Variants in VPS13D observed in about 807,000 individuals in gnomAD.
VPS13D encodes intermembrane lipid transfer protein VPS13D.
In VPS13D, 187 loss-of-function variants were observed where a neutral mutation model predicts 461.9. The ratio of observed to expected loss-of-function variants is 0.40; its 90% CI spans 0.36 to 0.46. VPS13D has a LOEUF of 0.46. Among genes scored for constraint, VPS13D ranks in the 20% least tolerant of loss-of-function variants. The pLI, the probability that VPS13D is intolerant of heterozygous loss-of-function variation, is 0.60. For synonymous variants in VPS13D, 1,951 were observed against 1,986.3 expected (o/e 0.98, Z 0.47); for missense variants, 4,711 against 5,364.9 (o/e 0.88, Z 3.81).
chr1:12,275,923 C>T lies in VPS13D; in HGVS notation c.2335C>T (p.Pro779Ser), dbSNP rs774063704. 5 of 1,613,914 alleles carry T rather than the reference C, an allele frequency of 3.1e-6. No individual in the cohort carries two copies. The Admixed American group carries it at 6.7e-5, about 22-fold the overall frequency. Residue 779 changes from proline (P) to serine (S), a missense_variant, in exon 19 of 70, where the codon CCA becomes TCA. This residue lies in a region of VPS13D where 4,411 missense variants were observed against 4,937.8 expected (regional missense o/e 0.89). Transcript: ENST00000620676. ...CCCCCTGGCCACACCTCCTAACACC[C>T]CACCTCCCGAGTCAAGCAGCAGCAA... The part of the protein sequence containing the change: ...KTPLATPPNT[P>S]PPESSSSNGE...
chr1:12,397,205 A>G (rs951942619), intron 60 of VPS13D, among the ~76,000 whole-genome samples: 1 of 152,200 alleles, frequency 6.6e-6, no homozygotes, highest in Non-Finnish European at 1.5e-5. Context: ...GAGTGCTGGG[A>G]TTACAGGCGT....
At chr1:12,364,408 G>A (rs1378850793) in intron 52 of VPS13D, among the ~76,000 whole-genome samples, 3 of 152,080 alleles carry the variant, frequency 2.0e-5, no homozygotes, top group African/African-American at 7.2e-5. Context: ...GAACACTTGG[G>A]TTGCTTCCAC....
rs1478803685 is a variant in VPS13D, at chr1:12,308,466, G to C, written c.6475G>C (p.Asp2159His). 1.2e-6 allele frequency: 2 copies of C among 1,613,942 alleles called. No individual in the cohort carries two copies. The highest frequency in any genetic ancestry group is 3.3e-5 in the Admixed American group (2 of 59,974). ...HVCLLDCVVV[D>H]LQDMDIFAAE... is the part of the protein sequence containing the mutation. Reference sequence around the variant, plus strand: ...CTGCCTGCTGGATTGCGTTGTCGTGGATCTCCAGGACATGGACATCTTTGC... The same window carrying C: ...CTGCCTGCTGGATTGCGTTGTCGTGCATCTCCAGGACATGGACATCTTTGC... Residue 2159 changes from aspartate to histidine, a missense_variant, in exon 27 of 70, where the codon GAT becomes CAT. Physicochemically the swap from Asp to His is moderately conservative, Grantham distance 81. Around this residue, in one of 3 missense-constraint regions of VPS13D, gnomAD observed 4,411 missense variants for 4,937.8 expected, o/e 0.89. Transcript: ENST00000620676.
Position 12,379,968 on chromosome 1 carries a change from A to T in VPS13D, c.11190+372A>T, listed in dbSNP as rs537439158. 1.9e-3 allele frequency among the ~76,000 whole-genome samples: 287 copies of T among 152,106 alleles called. 1 individual carries two copies. Among genetic ancestry groups the T allele is most frequent in the African/African-American group, 6.4e-3 (267 of 41,480 alleles). On this transcript the variant is annotated intron_variant, in intron 57 of 69. Coordinates refer to ENST00000620676, the MANE Select transcript of VPS13D (RefSeq NM_015378.4). ...TATTTTTTAGTAGAGATGGAGTTTCACCATGTTAGCCAGGATGGTCTCGAT... is the reference window on the plus strand; with the variant it reads ...TATTTTTTAGTAGAGATGGAGTTTCTCCATGTTAGCCAGGATGGTCTCGAT...
chr1:12,469,125 T>G (rs745886766), intron 67 of VPS13D, among the ~76,000 whole-genome samples: 6 of 152,212 alleles, frequency 3.9e-5, no homozygotes, highest in Non-Finnish European at 7.3e-5. Context: ...TTAGTGGATT[T>G]ACTTTAATAC....
At chr1:12,258,672 G>T (rs996861260) in intron 10 of VPS13D, among the ~76,000 whole-genome samples, 6 of 152,210 alleles carry the variant, frequency 3.9e-5, no homozygotes, top group South Asian at 2.1e-4. Flanking sequence ...GCTCTCTTTT[G>T]GGGGAAGGTA....
chr1:12,309,955 G>A (rs1194546047), intron 27 of VPS13D, among the ~76,000 whole-genome samples: 4 of 151,926 alleles, frequency 2.6e-5, no homozygotes, highest in Non-Finnish European at 4.4e-5. Flanking sequence ...TCAGTCTTAC[G>A]TGTTATTCAA....
At chr1:12,251,767 C>CCG (rs1347449104) in intron 6 of VPS13D, among the ~76,000 whole-genome samples, 2 of 152,192 alleles carry the variant, frequency 1.3e-5, no homozygotes, top group Non-Finnish European at 2.9e-5. Context: ...TTCAGCAGCT[C>CCG]CGCATCACCT....
At chr1:12,289,474 C>T (rs924051638) in intron 22 of VPS13D, among the ~76,000 whole-genome samples, 1 of 151,724 alleles carries the variant, frequency 6.6e-6, no homozygotes, top group Non-Finnish European at 1.5e-5. Context: ...GTAGTAAAAA[C>T]AAGAATGTCT....
intron 67 of VPS13D, among the ~76,000 whole-genome samples, chr1:12,474,499 A>G (rs1317391456): frequency 6.6e-6 from 1 of 152,144 alleles, no homozygotes; most frequent in African/African-American, 2.4e-5. Context: ...GTTAAAAAAA[A>G]AAAAGTTCAG....
At chr1:12,423,202 A>G (rs751441868) in intron 65 of VPS13D, among the ~76,000 whole-genome samples, 3 of 152,224 alleles carry the variant, frequency 2.0e-5, no homozygotes, top group Non-Finnish European at 4.4e-5. Context: ...TTTCAGCCCC[A>G]TTATGTAAAT....
In VPS13D at chr1:12,502,566, G is replaced by C. The variant is rs1482160483; in HGVS notation, c.12795-4287G>C. On this transcript the variant is annotated intron_variant, in intron 68 of 69. Coordinates refer to ENST00000620676, the MANE Select transcript of VPS13D (RefSeq NM_015378.4). The surrounding 1 kb of genome is among the most constrained non-coding windows in gnomAD (Gnocchi z 4.3). ...CTAGGGGTAGAGGAGCCTGTTCCAG[G>C]AGCTCTGAGTCAGGCTTCTGATTTT... Among the ~76,000 whole-genome samples the C allele has an allele frequency of 1.3e-5, 2 of 151,756 alleles. No homozygotes were observed. Among genetic ancestry groups the C allele is most frequent in the Non-Finnish European group, 2.9e-5 (2 of 67,970 alleles).
intron 65 of VPS13D, among the ~76,000 whole-genome samples, chr1:12,454,812 C>G (rs1310201680): frequency 6.6e-6 from 1 of 152,380 alleles, no homozygotes; most frequent in East Asian, 1.9e-4. Flanking sequence ...ATCTAAGGAA[C>G]ATTCCTGTGA....
intron 65 of VPS13D, among the ~76,000 whole-genome samples, chr1:12,417,394 A>G (rs1047955699): frequency 1.3e-5 from 2 of 152,188 alleles, no homozygotes; most frequent in Non-Finnish European, 2.9e-5. Context: ...TCTGGCAGGA[A>G]TTGATTATAT....
intron 25 of VPS13D, among the ~76,000 whole-genome samples, chr1:12,303,565 T>C (rs990503189): frequency 1.3e-5 from 2 of 152,202 alleles, no homozygotes; most frequent in Non-Finnish European, 2.9e-5. Flanking sequence ...AATAAAAAAA[T>C]TGCAGAAAGC....
At position 12,508,924 on chromosome 1, in the gene VPS13D, A is replaced by G. The variant is rs1177220458; in HGVS notation, c.13067A>G (p.Lys4356Arg). 6.2e-7 allele frequency: 1 copy of G among 1,614,160 alleles called. No homozygotes were observed. Residue 4356 changes from lysine to arginine, a missense_variant, in exon 70 of 70, where the codon AAG (lysine) becomes AGG (arginine). Coordinates refer to ENST00000620676, the MANE Select transcript of VPS13D (RefSeq NM_015378.4). Reference protein sequence around the residue: ...VHVKSEVLAVKLSQEINYAKS... With the variant: ...VHVKSEVLAVRLSQEINYAKS... ...GTGAAATCTGAGGTCCTTGCTGTCA[A>G]GTTGTCACAAGAAATAAACTACGCA...
chr1:12,273,725 G>A (rs1641522889), intron 18 of VPS13D, among the ~76,000 whole-genome samples: 1 of 152,004 alleles, frequency 6.6e-6, no homozygotes, highest in African/African-American at 2.4e-5. Context: ...AATATATACC[G>A]ATACTTCCTT....
At chr1:12,481,604 T>G (rs1645718502) in intron 67 of VPS13D, among the ~76,000 whole-genome samples, 1 of 152,174 alleles carries the variant, frequency 6.6e-6, no homozygotes, top group Non-Finnish European at 1.5e-5. Flanking sequence ...CCCCAAGTCC[T>G]TCTCTTTTAT....
At chr1:12,318,831 T>C (rs1263613021) in intron 31 of VPS13D, among the ~76,000 whole-genome samples, 1 of 152,242 alleles carries the variant, frequency 6.6e-6, no homozygotes, top group Non-Finnish European at 1.5e-5. Flanking sequence ...TGCATCTGTA[T>C]GTATTTGTGT....
Sources: allele counts gnomAD v4.1 joint callset (sites outside exome capture counted in the v4.1 genomes callset), GRCh38; gene constraint gnomAD v4.1.1; regional missense constraint gnomAD v4.1.1; non-coding constraint Gnocchi (gnomAD v3.1); transcripts MANE v1.5; gene names NCBI Gene and HGNC (gene_info 2026-07-23, HGNC 2026-07-21).